MOSPD2: variants seen among roughly 807,000 people sequenced by gnomAD.
The protein encoded by MOSPD2 is motile sperm domain containing 2.
MOSPD2 carries 5 observed loss-of-function variants against 41.7 expected under a neutral mutation model. The ratio of observed to expected loss-of-function variants is 0.12; its 90% confidence interval spans 0.06 to 0.25. The LOEUF is 0.25. Among genes scored for constraint, MOSPD2 ranks in the 10% least tolerant of loss-of-function variants. The pLI is 1.00. For missense variants in MOSPD2, 282 were observed against 375.2 expected (o/e 0.75, Z 2.05); for synonymous variants, 115 against 126.9 (o/e 0.91, Z 0.63).
chrX:14,875,723 C>G (rs2092518879), intron 2 of MOSPD2, among the ~76,000 whole-genome samples: 1 of 111,842 alleles, frequency 8.9e-6, no homozygotes, highest in East Asian at 2.8e-4. Flanking sequence ...TTCTCTTTGC[C>G]TGGGAAGATT....
chrX:14,883,564 C>G (rs1229422489), intron 2 of MOSPD2, among the ~76,000 whole-genome samples: 1 of 111,785 alleles, frequency 8.9e-6, no homozygotes, highest in Non-Finnish European at 1.9e-5. Flanking sequence ...GTAGAATTTT[C>G]TTTGATATTA....
intron 2 of MOSPD2, among the ~76,000 whole-genome samples, chrX:14,878,628 T>C (rs1394514497): frequency 8.9e-6 from 1 of 111,781 alleles, no homozygotes; most frequent in Admixed American, 9.5e-5. Context: ...GCGAAAGTAA[T>C]TGTGGTTTTT....
intron 2 of MOSPD2, among the ~76,000 whole-genome samples, chrX:14,883,812 T>G (rs1167854047): frequency 9.2e-6 from 1 of 108,624 alleles, no homozygotes; most frequent in Non-Finnish European, 1.9e-5. Flanking sequence ...AAAAAAAGAG[T>G]GATATTAGAA....
At chrX:14,892,389 G>A (rs758521188) in intron 2 of MOSPD2, among the ~76,000 whole-genome samples, 216 of 111,099 alleles carry the variant, frequency 1.9e-3, no homozygotes, top group African/African-American at 6.6e-3. Context: ...CAGTTCGTGC[G>A]GGAACTAAGA....
intron 2 of MOSPD2, among the ~76,000 whole-genome samples, chrX:14,888,594 A>G (rs951850890): frequency 9.0e-6 from 1 of 111,364 alleles, no homozygotes; most frequent in African/African-American, 3.3e-5. Context: ...TTCCAGTCTC[A>G]GGTATGTCTT....
chrX:14,873,905 T>C, intron 2 of MOSPD2, 147 bp downstream of exon 2: 1 of 525,426 alleles, frequency 1.9e-6, no homozygotes, highest in Admixed American at 2.6e-5. Flanking sequence ...AAGGTTTTCC[T>C]CTCCATGACA....
chrX:14,888,206 GCACACACACACACACA>G (rs775166629), intron 2 of MOSPD2, among the ~76,000 whole-genome samples: 28 of 56,779 alleles, frequency 4.9e-4, no homozygotes, highest in South Asian at 8.5e-4. Context: ...ACACACACAC[GCACACACACACACACA>G]CACACACACA....
Position 14,873,478 on chromosome X carries a change from A to T in MOSPD2, c.-51A>T. On this transcript the variant is annotated 5_prime_UTR_variant, in exon 1 of 15. Coordinates refer to ENST00000380492, the MANE Select transcript of MOSPD2 (RefSeq NM_152581.4). ...CGGGTGATGAGATACTCGGTCGGCG[A>T]CGGTAGAACGGGCGACGGCGACAAC... 8.3e-7 allele frequency: 1 copy of T among 1,210,717 alleles called. No individual in the cohort carries two copies. Among genetic ancestry groups the T allele is most frequent in the Non-Finnish European group, 1.1e-6 (1 of 894,579 alleles).
chrX:14,884,536 G>A, intron 2 of MOSPD2, among the ~76,000 whole-genome samples: 1 of 111,286 alleles, frequency 9.0e-6, no homozygotes, highest in Non-Finnish European at 1.9e-5. Flanking sequence ...CAGAAAAGGA[G>A]AAAAAAAGCA....
At chrX:14,913,453 CCT>C (rs1219131014) in intron 10 of MOSPD2, among the ~76,000 whole-genome samples, 5 of 111,712 alleles carry the variant, frequency 4.5e-5, no homozygotes, top group African/African-American at 1.6e-4. Context: ...ACCTAACCAA[CCT>C]CTGTCTTCCT....
intron 7 of MOSPD2, among the ~76,000 whole-genome samples, chrX:14,903,695 A>G (rs887493765): frequency 8.9e-6 from 1 of 112,507 alleles, no homozygotes; most frequent in African/African-American, 3.2e-5. Flanking sequence ...CAGTTGTTAC[A>G]TAGAAAGCAA....
Position 14,891,525 on chromosome X carries a change from T to A in MOSPD2, c.80-1198T>A, listed in dbSNP as rs182289555. On this transcript the variant is annotated intron_variant, in intron 2 of 14. Transcript: ENST00000380492. ...ATTTTTTTTTTACTGTTTTTTATTG[T>A]TGTTGTTTTTTCTTTTTTTGTCTTT... is the stretch of plus-strand genomic sequence containing the variant. Among the ~76,000 whole-genome samples the A allele has an allele frequency of 7.8e-3, 862 of 110,079 alleles. 5 individuals are homozygous for A. The highest frequency in any genetic ancestry group is 0.019 in the Admixed American group (193 of 10,330).
intron 2 of MOSPD2, among the ~76,000 whole-genome samples, chrX:14,877,077 C>T (rs2092521824): frequency 9.0e-6 from 1 of 111,267 alleles, no homozygotes; most frequent in Admixed American, 9.5e-5. Context: ...ACTTTGATAA[C>T]CTTAAGGAGG....
In MOSPD2 at chrX:14,910,697, A is replaced by G. The variant is rs1185558812; in HGVS notation, c.703-540A>G. ...TCTAAAGAGATTGTGCCCATTTACC[A>G]ATAATGTGTGAGAATTCTTGAACCA... On this transcript the variant is annotated intron_variant, in intron 8 of 14. Transcript: ENST00000380492. Among the ~76,000 whole-genome samples the G allele has an allele frequency of 2.7e-5, 3 of 111,678 alleles. 1 individual carries two copies. The Admixed American group carries it at 2.9e-4, about 11-fold the overall frequency.
chrX:14,905,440 A>AT (rs2092580291), intron 7 of MOSPD2, among the ~76,000 whole-genome samples: 1 of 110,679 alleles, frequency 9.0e-6, no homozygotes. Context: ...CAAGTCCCTC[A>AT]TATAAAATCG....
chrX:14,899,565 T>C (rs372979123), intron 5 of MOSPD2, among the ~76,000 whole-genome samples: 10 of 81,033 alleles, frequency 1.2e-4, no homozygotes, highest in South Asian at 1.3e-3. Flanking sequence ...ATTATATACA[T>C]ACACACACAC....
chrX:14,892,886 G>A lies in MOSPD2; in HGVS notation c.235+8G>A. 1 of 1,183,400 alleles carries A rather than the reference G, an allele frequency of 8.5e-7. No individual in the cohort carries two copies. Among genetic ancestry groups the A allele is most frequent in the Non-Finnish European group, 1.1e-6 (1 of 872,278 alleles). On this transcript the variant is annotated splice_region_variant and intron_variant, in intron 3 of 14. Coordinates refer to ENST00000380492, the MANE Select transcript of MOSPD2 (RefSeq NM_152581.4). ...AAGAAATTTCTGTCAATGGTAAGCT[G>A]TTCAATTTAACCTTGACTGTAATAT... is the stretch of plus-strand genomic sequence containing the variant.
At chrX:14,883,635 G>A (rs2092535954) in intron 2 of MOSPD2, among the ~76,000 whole-genome samples, 1 of 111,803 alleles carries the variant, frequency 8.9e-6, no homozygotes, top group African/African-American at 3.3e-5. Context: ...CCATTATACT[G>A]CTATATATTC....
Position 14,920,902 on chromosome X carries a change from C to T in MOSPD2, c.*1093C>T, listed in dbSNP as rs780471374. The stretch of plus-strand genomic sequence containing the variant: ...AAAAAAAAATAAAAAGAAACACAGA[C>T]GCCCAGGTGTCAGCTCTCCGTTTAA... On this transcript the variant is annotated 3_prime_UTR_variant, in exon 15 of 15. Transcript: ENST00000380492. The T allele has an allele frequency of 1.2e-5, 9 of 751,953 alleles. No homozygotes were observed. The highest frequency in any genetic ancestry group is 7.6e-4 in the Middle Eastern group (1 of 1,321). The allele number at this position is 751,953 out of a possible 1,213,427, so 62.0% of individuals were successfully genotyped here.
Sources: allele counts gnomAD v4.1 joint callset (sites outside exome capture counted in the v4.1 genomes callset), GRCh38; gene constraint gnomAD v4.1.1; transcripts MANE v1.5; gene names NCBI Gene and HGNC (gene_info 2026-07-23, HGNC 2026-07-21).